The following GPC5 variants were observed in gnomAD, a reference collection of about 807,000 sequenced individuals.
GPC5 encodes the protein glypican 5.
A neutral mutation model predicts 53.9 loss-of-function variants in GPC5; 47 were observed. The observed-to-expected ratio is 0.87, with a 90% CI of 0.69 to 1.11. GPC5 has a LOEUF of 1.11. Among genes scored for constraint, GPC5 ranks in the 50% most tolerant of loss-of-function variants. The pLI is 0.00. For synonymous variants in GPC5, 286 were observed against 263.3 expected, an observed-to-expected ratio of 1.09 and a Z score of -0.84; for missense variants, 748 against 713.1, an observed-to-expected ratio of 1.05 and a Z score of -0.56.
At chr13:91,793,960 C>A (rs535446535) in intron 5 of GPC5, among the ~76,000 whole-genome samples, 17 of 152,266 alleles carry the variant, frequency 1.1e-4, no homozygotes, top group African/African-American at 3.4e-4. Context: ...CAGAGCCAAA[C>A]CATATCTCCC....
At chr13:92,077,035 A>C (rs1196156797) in intron 6 of GPC5, among the ~76,000 whole-genome samples, 2 of 152,098 alleles carry the variant, frequency 1.3e-5, no homozygotes, top group African/African-American at 4.8e-5. Context: ...GACAAACTCA[A>C]CCAATTGTCA....
chr13:91,952,079 G>A (rs1450349771), intron 6 of GPC5, among the ~76,000 whole-genome samples: 1 of 152,010 alleles, frequency 6.6e-6, no homozygotes, highest in African/African-American at 2.4e-5. Flanking sequence ...AAACAGTAAC[G>A]ACTTTTGAAT....
At chr13:92,244,867 A>G (rs1328725545) in intron 7 of GPC5, among the ~76,000 whole-genome samples, 2 of 151,952 alleles carry the variant, frequency 1.3e-5, no homozygotes, top group African/African-American at 4.8e-5. Flanking sequence ...GTGAAATCCC[A>G]TCTCTATTAA....
At chr13:91,561,261 C>G (rs1310450705) in intron 2 of GPC5, among the ~76,000 whole-genome samples, 3 of 152,050 alleles carry the variant, frequency 2.0e-5, no homozygotes, top group Non-Finnish European at 4.4e-5. Context: ...ACCACACCAG[C>G]ACATTAATCC....
chr13:91,804,337 ATAG>A (rs1436045860), intron 5 of GPC5, among the ~76,000 whole-genome samples: 1 of 152,216 alleles, frequency 6.6e-6, no homozygotes, highest in Non-Finnish European at 1.5e-5. Context: ...TAGTATAGCT[ATAG>A]CTCTCGTCTG....
At chr13:92,448,630 T>C (rs1877930241) in intron 7 of GPC5, 1 of 152,038 alleles carries the variant, frequency 6.6e-6, no homozygotes, top group African/African-American at 2.4e-5. Flanking sequence ...AATACAGTAA[T>C]GTTATCTTGA....
At chr13:92,020,391 G>C (rs1378543429) in intron 6 of GPC5, among the ~76,000 whole-genome samples, 3 of 152,096 alleles carry the variant, frequency 2.0e-5, no homozygotes, top group African/African-American at 4.8e-5. Context: ...TTGTTGTTAA[G>C]AGACAAATTA....
intron 5 of GPC5, among the ~76,000 whole-genome samples, chr13:91,791,780 C>T (rs1566686565): frequency 1.3e-5 from 2 of 152,012 alleles, no homozygotes; most frequent in African/African-American, 2.4e-5. Flanking sequence ...AGTCCAGCAT[C>T]TCTCTCTCTA....
rs553765371 is a variant in GPC5 at position 92,643,889 on chromosome 13, A to G, written c.1562-222393A>G. On this transcript the variant is annotated intron_variant, in intron 7 of 7. Transcript: ENST00000377067. ...ACTTAAAGTATAATAAAAAAAGAAC[A>G]CACACACACATAGCATATGTAAGAA... Among the ~76,000 whole-genome samples the G allele has an allele frequency of 1.9e-3, 295 of 151,904 alleles. 1 individual carries two copies. Among genetic ancestry groups the G allele is most frequent in the African/African-American group, 6.8e-3 (284 of 41,476 alleles).
intron 7 of GPC5, among the ~76,000 whole-genome samples, chr13:92,551,722 G>C (rs1254399385): frequency 6.6e-6 from 1 of 151,854 alleles, no homozygotes. Flanking sequence ...TAGGAGGTAG[G>C]AGGTGTAAGA....
chr13:92,318,323 G>A (rs146280503), intron 7 of GPC5, among the ~76,000 whole-genome samples: 1 of 152,176 alleles, frequency 6.6e-6, no homozygotes, highest in African/African-American at 2.4e-5. Context: ...TTGTAATACT[G>A]CTATCACGGC....
At chr13:91,730,137 C>T (rs1308741417) in intron 4 of GPC5, among the ~76,000 whole-genome samples, 1 of 152,208 alleles carries the variant, frequency 6.6e-6, no homozygotes, top group Non-Finnish European at 1.5e-5. Flanking sequence ...AGGAACTGCA[C>T]ATGAGTCCAC....
chr13:91,543,100 C>T (rs967779128), intron 2 of GPC5, among the ~76,000 whole-genome samples: 1 of 152,104 alleles, frequency 6.6e-6, no homozygotes. Context: ...TCGTAATCGG[C>T]CCTCCTGGGC....
intron 7 of GPC5, among the ~76,000 whole-genome samples, chr13:92,603,069 T>G (rs1230563242): frequency 2.6e-5 from 4 of 152,182 alleles, no homozygotes; most frequent in African/African-American, 9.7e-5. Flanking sequence ...CTGATTTCAG[T>G]CACTGAAGCT....
At chr13:92,332,619 G>A (rs1333085112) in intron 7 of GPC5, among the ~76,000 whole-genome samples, 3 of 152,084 alleles carry the variant, frequency 2.0e-5, no homozygotes, top group Admixed American at 2.0e-4. Context: ...AACTATTAAT[G>A]CTGTTAATAT....
intron 6 of GPC5, among the ~76,000 whole-genome samples, chr13:92,121,885 A>G (rs1394974382): frequency 2.0e-5 from 3 of 152,222 alleles, no homozygotes; most frequent in East Asian, 3.8e-4. Context: ...TTATTTGCTT[A>G]TAAAATTTTA....
At chr13:92,003,253 G>A (rs1005068120) in intron 6 of GPC5, among the ~76,000 whole-genome samples, 3 of 150,754 alleles carry the variant, frequency 2.0e-5, no homozygotes, top group South Asian at 2.1e-4. Flanking sequence ...TCTGGGAAGC[G>A]GCAGTTGGAG....
At chr13:91,895,088 G>A (rs527705522) in intron 5 of GPC5, among the ~76,000 whole-genome samples, 31 of 151,094 alleles carry the variant, frequency 2.1e-4, no homozygotes, top group Non-Finnish European at 2.9e-4. Flanking sequence ...AAAAAAGAGA[G>A]AAGGTCCGCC....
chr13:92,737,763 TTTC>T (rs1888977733), intron 7 of GPC5, among the ~76,000 whole-genome samples: 1 of 60,480 alleles, frequency 1.7e-5, no homozygotes, highest in African/African-American at 5.1e-5. Flanking sequence ...TTTTTTTCTT[TTTC>T]TTTTTTTTTT....
Sources: allele counts gnomAD v4.1 joint callset (sites outside exome capture counted in the v4.1 genomes callset), GRCh38; gene constraint gnomAD v4.1.1; transcripts MANE v1.5; gene names NCBI Gene and HGNC (gene_info 2026-07-23, HGNC 2026-07-21).